The following B3GALT1 variants were observed in gnomAD, a reference collection of about 807,000 sequenced individuals.
The protein encoded by B3GALT1 is beta-1,3-galactosyltransferase 1.
A neutral mutation model predicts 23.2 loss-of-function variants in B3GALT1; 10 were observed. The observed-to-expected ratio is 0.43, with a 90% confidence interval of 0.27 to 0.73. The LOEUF is 0.73. Among genes scored for constraint, B3GALT1 ranks in the 30% least tolerant of loss-of-function variants. B3GALT1 has a pLI of 0.21. For missense variants in B3GALT1, 299 were observed against 405.4 expected, an observed-to-expected ratio of 0.74 and a Z score of 2.25; for synonymous variants, 156 against 141.5, an observed-to-expected ratio of 1.10 and a Z score of -0.73.
At chr2:167,465,714 A>G (rs1699333852) in intron 1 of B3GALT1, among the ~76,000 whole-genome samples, 1 of 152,172 alleles carries the variant, frequency 6.6e-6, no homozygotes, top group East Asian at 1.9e-4. Context: ...ATGTATTTCA[A>G]AAAGAACGCC....
intron 2 of B3GALT1, among the ~76,000 whole-genome samples, chr2:167,565,209 T>A (rs1242146181): frequency 6.6e-6 from 1 of 152,130 alleles, no homozygotes; most frequent in Admixed American, 6.5e-5. Flanking sequence ...GCTGCATATC[T>A]ACAACTATCT....
In B3GALT1 at chr2:167,836,806, C is replaced by A. The variant is rs1215997200; in HGVS notation, c.-230+18013C>A. On this transcript the variant is annotated intron_variant, in intron 4 of 4. Transcript: ENST00000392690. ...GGCGGGTTACCCCACAAAGGGAAGCCCATCAGACTAACAGCGGATCTCTCG... is the reference window on the plus strand; with the variant it reads ...GGCGGGTTACCCCACAAAGGGAAGCACATCAGACTAACAGCGGATCTCTCG... 7.2e-5 allele frequency among the ~76,000 whole-genome samples: 11 copies of A among 152,240 alleles called. 1 individual carries two copies. The highest frequency in any genetic ancestry group is 2.6e-4 in the African/African-American group (11 of 41,518).
chr2:167,501,718 C>CAAAAA (rs35445623), intron 2 of B3GALT1, among the ~76,000 whole-genome samples: 7 of 65,410 alleles, frequency 1.1e-4, no homozygotes, highest in South Asian at 5.9e-4. Context: ...TCTACAGTGG[C>CAAAAA]AAAAAAAAAA....
Position 167,825,460 on chromosome 2 carries a change from GCA to G in B3GALT1, c.-230+6669_-230+6670del, listed in dbSNP as rs1213541507. ...GGGGTGTGTGTGTGTGTGTGTGCGT[GCA>G]CGTGTGTGTGTGTGTTATATATAAA... On this transcript the variant is annotated intron_variant, in intron 4 of 4. Coordinates refer to ENST00000392690, the MANE Select transcript of B3GALT1 (RefSeq NM_020981.4). Among the ~76,000 whole-genome samples the G allele has an allele frequency of 9.5e-4, 131 of 138,302 alleles. 1 individual carries two copies. The highest frequency in any genetic ancestry group is 3.5e-3 in the African/African-American group (112 of 31,968). The allele number at this position is 138,302 out of a possible 152,430, so 90.7% of individuals were successfully genotyped here. A position where few individuals can be genotyped will look rare whatever the true frequency, so the allele number is the denominator to read the frequency against.
In B3GALT1 at chr2:167,542,666, A is replaced by G. The variant is rs144413271; in HGVS notation, c.-410+52389A>G. On this transcript the variant is annotated intron_variant, in intron 2 of 4. Coordinates refer to ENST00000392690, the MANE Select transcript of B3GALT1 (RefSeq NM_020981.4). ...CTCAAAAATTTTTGAGAATCAAGTC[A>G]GATGTTGATGGAAAAGCAAGTCCAC... Among the ~76,000 whole-genome samples the G allele has an allele frequency of 4.7e-4, 71 of 152,312 alleles. No homozygotes were observed. In the East Asian group the frequency reaches 0.013, roughly 29 times the overall value.
chr2:167,617,171 T>C (rs1227849154), intron 2 of B3GALT1, among the ~76,000 whole-genome samples: 2 of 152,080 alleles, frequency 1.3e-5, no homozygotes, highest in Non-Finnish European at 2.9e-5. Flanking sequence ...AGCCTCATGG[T>C]CATAAGATAG....
At chr2:167,362,231 A>G (rs1182793885) in intron 1 of B3GALT1, among the ~76,000 whole-genome samples, 2 of 152,142 alleles carry the variant, frequency 1.3e-5, no homozygotes, top group African/African-American at 4.8e-5. Context: ...TTTGACTTTG[A>G]AAACTCTTTG....
In B3GALT1 at chr2:167,819,588, G is replaced by C. The variant is rs73021234; in HGVS notation, c.-230+795G>C. On this transcript the variant is annotated intron_variant, in intron 4 of 4. Transcript: ENST00000392690. ...TCCTATCTTTCCCATCATAGCCTCT[G>C]TGACTTTGGGCCACTTACTTAACCT... Among the ~76,000 whole-genome samples, 1,155 of 152,308 alleles carry C rather than the reference G, an allele frequency of 7.6e-3. 20 individuals carry two copies. The highest frequency in any genetic ancestry group is 0.026 in the African/African-American group (1,091 of 41,564).
At chr2:167,374,391 G>A (rs1357417559) in intron 1 of B3GALT1, among the ~76,000 whole-genome samples, 1 of 152,204 alleles carries the variant, frequency 6.6e-6, no homozygotes, top group African/African-American at 2.4e-5. Context: ...TAATGGGATT[G>A]CTGGGTTGAA....
chr2:167,500,819 TG>T (rs1699839369), intron 2 of B3GALT1, among the ~76,000 whole-genome samples: 1 of 152,158 alleles, frequency 6.6e-6, no homozygotes, highest in African/African-American at 2.4e-5. Context: ...GAAAAATCTT[TG>T]GAAGAATGAT....
At chr2:167,596,103 T>C (rs2105419700) in intron 2 of B3GALT1, among the ~76,000 whole-genome samples, 1 of 152,346 alleles carries the variant, frequency 6.6e-6, no homozygotes, top group Non-Finnish European at 1.5e-5. Context: ...AATTTCTTCC[T>C]TTTAGCCTAG....
intron 3 of B3GALT1, among the ~76,000 whole-genome samples, chr2:167,728,156 G>C (rs1574233725): frequency 6.6e-6 from 1 of 152,200 alleles, no homozygotes; most frequent in Non-Finnish European, 1.5e-5. Context: ...GGAGGCCAAG[G>C]GGGAGCGGAT....
At chr2:167,681,707 G>A (rs141896482) in intron 3 of B3GALT1, among the ~76,000 whole-genome samples, 46 of 152,264 alleles carry the variant, frequency 3.0e-4, no homozygotes, top group African/African-American at 9.4e-4. Flanking sequence ...TAATGAGTTC[G>A]TATATTCTAA....
At chr2:167,401,148 T>G (rs1698183111) in intron 1 of B3GALT1, among the ~76,000 whole-genome samples, 1 of 152,038 alleles carries the variant, frequency 6.6e-6, no homozygotes, top group Non-Finnish European at 1.5e-5. Context: ...GACAAACCAA[T>G]AGTCACTTTA....
At chr2:167,338,779 TAA>T (rs1403995317) in intron 1 of B3GALT1, among the ~76,000 whole-genome samples, 1 of 151,986 alleles carries the variant, frequency 6.6e-6, no homozygotes, top group Admixed American at 6.6e-5. Context: ...GTCTGCACGT[TAA>T]GAGGCCCAAT....
chr2:167,406,551 T>A lies in B3GALT1; in HGVS notation c.-510-83626T>A, dbSNP rs1239490890. Among the ~76,000 whole-genome samples the A allele has an allele frequency of 7.2e-5, 11 of 152,186 alleles. 1 individual carries two copies. Among genetic ancestry groups the A allele is most frequent in the Admixed American group, 7.2e-4 (11 of 15,270 alleles). ...TCCCCTCAATTCACAGTTTATGTAC[T>A]TGAAAAAGTGAGATTGAGATGGTCA... On this transcript the variant is annotated intron_variant, in intron 1 of 4. Transcript: ENST00000392690.
chr2:167,610,925 A>AG (rs1685052880), intron 2 of B3GALT1, among the ~76,000 whole-genome samples: 1 of 149,780 alleles, frequency 6.7e-6, no homozygotes, highest in African/African-American at 2.5e-5. Flanking sequence ...AAAAAAAAAA[A>AG]AAGAGAGAGA....
intron 2 of B3GALT1, among the ~76,000 whole-genome samples, chr2:167,646,463 T>C (rs1029459486): frequency 2.6e-5 from 4 of 152,198 alleles, no homozygotes; most frequent in African/African-American, 9.7e-5. Context: ...TCAGATCCTC[T>C]TTGTCCAACT....
At chr2:167,406,675 G>C (rs778996911) in intron 1 of B3GALT1, among the ~76,000 whole-genome samples, 2 of 152,116 alleles carry the variant, frequency 1.3e-5, no homozygotes, top group South Asian at 4.1e-4. Context: ...ATATCCCTGC[G>C]GACAGGCAGA....
Sources: gnomAD v4.1 joint callset for allele counts (sites outside exome capture counted in the v4.1 genomes callset) on GRCh38, gnomAD v4.1.1 for gene constraint, MANE v1.5 for transcripts, NCBI Gene and HGNC (gene_info 2026-07-23, HGNC 2026-07-21) for gene names.